NEGR1: variants seen among roughly 807,000 people sequenced by gnomAD.
The protein encoded by NEGR1 is IgLON family member 4.
Under a neutral mutation model 40.9 loss-of-function variants are expected in NEGR1, and 10 were observed. That is an observed-to-expected ratio of 0.24 (90% CI 0.15 to 0.42). NEGR1 has a LOEUF of 0.42. NEGR1 is among the 10% of genes least tolerant of loss of function. The pLI is 1.00. For synonymous variants in NEGR1, 185 were observed against 166.8 expected, an observed-to-expected ratio of 1.11 and a Z score of -0.84; for missense variants, 352 against 438.9, an observed-to-expected ratio of 0.80 and a Z score of 1.77.
At chr1:71,725,914 A>G (rs773717149) in intron 3 of NEGR1, among the ~76,000 whole-genome samples, 3 of 152,130 alleles carry the variant, frequency 2.0e-5, no homozygotes, top group Non-Finnish European at 4.4e-5. Flanking sequence ...CTCTACTTCT[A>G]CATAAGTGAC....
chr1:72,215,306 C>A (rs1653759754), intron 1 of NEGR1, among the ~76,000 whole-genome samples: 1 of 151,968 alleles, frequency 6.6e-6, no homozygotes, highest in South Asian at 2.1e-4. Flanking sequence ...TAGGCACGGG[C>A]AAAGACTTCA....
At chr1:72,274,631 C>T in intron 1 of NEGR1, 1 of 821,706 alleles carries the variant, frequency 1.2e-6, no homozygotes, top group Admixed American at 1.7e-5. Context: ...GGAGAACTGC[C>T]CCAAGGATTT....
At chr1:71,962,776 T>C (rs956369202) in intron 1 of NEGR1, among the ~76,000 whole-genome samples, 4 of 151,916 alleles carry the variant, frequency 2.6e-5, no homozygotes, top group Non-Finnish European at 5.9e-5. Flanking sequence ...CCAAGTTTTT[T>C]TTTTTTTCTG....
intron 6 of NEGR1, among the ~76,000 whole-genome samples, chr1:71,588,776 C>G (rs1649398059): frequency 6.6e-6 from 1 of 152,064 alleles, no homozygotes; most frequent in South Asian, 2.1e-4. Context: ...GGCAAACAAG[C>G]TGAAAATGAT....
At chr1:71,725,373 A>T (rs891035697) in intron 3 of NEGR1, among the ~76,000 whole-genome samples, 1 of 152,038 alleles carries the variant, frequency 6.6e-6, no homozygotes, top group East Asian at 1.9e-4. Flanking sequence ...CCACACCTTG[A>T]TCCGTCATTG....
chr1:72,258,053 C>A (rs1655332228), intron 1 of NEGR1, among the ~76,000 whole-genome samples: 1 of 152,128 alleles, frequency 6.6e-6, no homozygotes. Context: ...CTAATATTAT[C>A]AATCCTTCCC....
chr1:72,131,877 A>ACCTGAGGCCATGAGTTTGAGACCAG (rs1237001536), intron 1 of NEGR1, among the ~76,000 whole-genome samples: 5 of 152,088 alleles, frequency 3.3e-5, no homozygotes, highest in African/African-American at 9.7e-5. Flanking sequence ...TGGGAGGATC[A>ACCTGAGGCCATGAGTTTGAGACCAG]CCTGAGGCCA....
intron 5 of NEGR1, among the ~76,000 whole-genome samples, chr1:71,604,085 G>C (rs1323350340): frequency 1.3e-5 from 2 of 152,116 alleles, no homozygotes; most frequent in Non-Finnish European, 2.9e-5. Flanking sequence ...CTGAAAGAGA[G>C]CCAGTTTCAT....
intron 1 of NEGR1, among the ~76,000 whole-genome samples, chr1:72,035,198 G>A (rs1045700289): frequency 6.6e-6 from 1 of 152,084 alleles, no homozygotes; most frequent in Non-Finnish European, 1.5e-5. Flanking sequence ...GCATTCTGCC[G>A]CAAACCGGAG....
intron 6 of NEGR1, among the ~76,000 whole-genome samples, chr1:71,489,438 C>T (rs777989554): frequency 6.6e-6 from 1 of 151,732 alleles, no homozygotes; most frequent in Non-Finnish European, 1.5e-5. Flanking sequence ...TAATAAATCC[C>T]GTTTTGTGTA....
At chr1:71,466,602 C>G (rs1646747862) in intron 6 of NEGR1, among the ~76,000 whole-genome samples, 1 of 151,950 alleles carries the variant, frequency 6.6e-6, no homozygotes. Context: ...GTTGAGAAGT[C>G]ATGATTGACA....
At chr1:71,683,359 C>T (rs765634419) in intron 4 of NEGR1, among the ~76,000 whole-genome samples, 1 of 152,000 alleles carries the variant, frequency 6.6e-6, no homozygotes, top group Non-Finnish European at 1.5e-5. Context: ...CAAGAGTATA[C>T]TAGATACTCT....
At chr1:71,645,612 T>A (rs1651503653) in intron 4 of NEGR1, among the ~76,000 whole-genome samples, 1 of 151,934 alleles carries the variant, frequency 6.6e-6, no homozygotes, top group South Asian at 2.1e-4. Context: ...TTTATGTTTT[T>A]AAAATATTAA....
At chr1:71,656,647 G>T (rs866547341) in intron 4 of NEGR1, among the ~76,000 whole-genome samples, 6 of 152,144 alleles carry the variant, frequency 3.9e-5, no homozygotes, top group Non-Finnish European at 1.5e-5. Flanking sequence ...TGATCCGCCC[G>T]CCTCGGCCTC....
chr1:71,650,254 C>T (rs1354195157), intron 4 of NEGR1, among the ~76,000 whole-genome samples: 1 of 152,070 alleles, frequency 6.6e-6, no homozygotes, highest in Non-Finnish European at 1.5e-5. Flanking sequence ...TTCAGTGACC[C>T]CTGAATAACA....
chr1:71,553,226 C>G (rs1412420593), intron 6 of NEGR1, among the ~76,000 whole-genome samples: 2 of 151,448 alleles, frequency 1.3e-5, no homozygotes, highest in Non-Finnish European at 3.0e-5. Context: ...TTATATCTAG[C>G]CTCTTTTTGA....
intron 2 of NEGR1, among the ~76,000 whole-genome samples, chr1:71,842,978 A>AT (rs201956881): frequency 2.6e-5 from 4 of 152,218 alleles, no homozygotes; most frequent in Non-Finnish European, 5.9e-5. Flanking sequence ...TAATAGCACT[A>AT]TTTTTTAAAA....
At chr1:71,934,729 T>C (rs1181824497) in intron 2 of NEGR1, among the ~76,000 whole-genome samples, 1 of 152,158 alleles carries the variant, frequency 6.6e-6, no homozygotes, top group Admixed American at 6.5e-5. Flanking sequence ...TGTTAATGGA[T>C]ATTTCTTTAT....
At chr1:71,657,989 T>C (rs189348288) in intron 4 of NEGR1, among the ~76,000 whole-genome samples, 21 of 152,334 alleles carry the variant, frequency 1.4e-4, no homozygotes. Flanking sequence ...ATTCTTTTTT[T>C]CTCTCTGCCA....
Sources: allele counts gnomAD v4.1 joint callset (sites outside exome capture counted in the v4.1 genomes callset), GRCh38; gene constraint gnomAD v4.1.1; transcripts MANE v1.5; gene names NCBI Gene and HGNC (gene_info 2026-07-23, HGNC 2026-07-21).